LIMCH1: variants seen among roughly 807,000 people sequenced by gnomAD.
The protein encoded by LIMCH1 is LIM and calponin homology domains-containing protein 1.
A neutral mutation model predicts 176.5 loss-of-function variants in LIMCH1; 113 were observed. The observed-to-expected ratio is 0.64, with a 90% confidence interval of 0.55 to 0.75. LIMCH1 has a LOEUF of 0.75. LIMCH1 is among the 30% of genes least tolerant of loss of function. The pLI is 0.00. For missense variants in LIMCH1, 1,674 were observed against 1,814.9 expected, an observed-to-expected ratio of 0.92 and a Z score of 1.41; for synonymous variants, 619 against 645.9, an observed-to-expected ratio of 0.96 and a Z score of 0.63.
At chr4:41,505,437 G>A (rs2074024324) in intron 2 of LIMCH1, among the ~76,000 whole-genome samples, 1 of 152,166 alleles carries the variant, frequency 6.6e-6, no homozygotes, top group Admixed American at 6.5e-5. Context: ...CAAAAACTGG[G>A]CAAGAAAATT....
intron 1 of LIMCH1, among the ~76,000 whole-genome samples, chr4:41,553,725 G>T (rs760220711): frequency 2.0e-5 from 3 of 152,130 alleles, no homozygotes; most frequent in African/African-American, 7.2e-5. Context: ...TTCATGGTGC[G>T]CTGGTGGTGA....
chr4:41,694,969 G>A (rs904975104), intron 31 of LIMCH1, among the ~76,000 whole-genome samples: 2 of 151,874 alleles, frequency 1.3e-5, no homozygotes, highest in Admixed American at 1.3e-4. Context: ...GCTTTGATCT[G>A]TATTTCCATA....
At chr4:41,436,490 A>G (rs1371544964) in intron 1 of LIMCH1, among the ~76,000 whole-genome samples, 4 of 152,184 alleles carry the variant, frequency 2.6e-5, no homozygotes, top group Admixed American at 6.5e-5. Context: ...TGAGCCAGTT[A>G]ATGCTGTGAG....
chr4:41,540,568 A>G (rs2078501487), intron 1 of LIMCH1, among the ~76,000 whole-genome samples: 1 of 152,090 alleles, frequency 6.6e-6, no homozygotes, highest in African/African-American at 2.4e-5. Context: ...GCGAAACTCT[A>G]TCTCTACTAA....
At chr4:41,669,491 C>G (rs2094941997) in intron 21 of LIMCH1, among the ~76,000 whole-genome samples, 1 of 152,156 alleles carries the variant, frequency 6.6e-6, no homozygotes, top group African/African-American at 2.4e-5. Context: ...TTGGAGCCCA[C>G]TCTCACAGTG....
chr4:41,637,115 G>A (rs550378059), intron 13 of LIMCH1, among the ~76,000 whole-genome samples: 5 of 152,182 alleles, frequency 3.3e-5, no homozygotes, highest in Non-Finnish European at 7.3e-5. Context: ...TATTCCAATA[G>A]GCCTATTTAT....
At chr4:41,478,076 A>T (rs2068018834) in intron 1 of LIMCH1, among the ~76,000 whole-genome samples, 1 of 152,196 alleles carries the variant, frequency 6.6e-6, no homozygotes, top group Non-Finnish European at 1.5e-5. Context: ...AGAGGGAAAA[A>T]CAAGGGAGTT....
chr4:41,558,654 TC>T lies in LIMCH1; in HGVS notation c.-241+20306del, dbSNP rs1218796067. On this transcript the variant is annotated intron_variant, in intron 1 of 31. Transcript: ENST00000503057. The stretch of plus-strand genomic sequence containing the variant: ...CCCTGTTAGGTGCTTCTGAGTGGGT[TC>T]CTGTGCCCATGGTACAGTTTCCTAC... Among the ~76,000 whole-genome samples, 3 of 152,284 alleles carry T rather than the reference TC, an allele frequency of 2.0e-5. No individual in the cohort carries two copies. The East Asian group carries it at 5.8e-4, about 29-fold the overall frequency.
chr4:41,537,086 T>C (rs1044885643), upstream of LIMCH1, among the ~76,000 whole-genome samples: 2 of 152,180 alleles, frequency 1.3e-5, no homozygotes, highest in Non-Finnish European at 2.9e-5. Flanking sequence ...AAGAGCATAA[T>C]GCAAGGAAAC....
chr4:41,572,737 T>A (rs1371848793), intron 1 of LIMCH1, among the ~76,000 whole-genome samples: 4 of 152,210 alleles, frequency 2.6e-5, no homozygotes. Flanking sequence ...GTTTGTGTTT[T>A]GATTTCAGTA....
intron 2 of LIMCH1, among the ~76,000 whole-genome samples, chr4:41,517,839 A>G (rs1323434796): frequency 2.6e-5 from 4 of 151,792 alleles, no homozygotes; most frequent in African/African-American, 9.7e-5. Flanking sequence ...ATATACTTTC[A>G]TCCAGGGTAC....
At chr4:41,372,758 A>G (rs1366100712) in intron 1 of LIMCH1, among the ~76,000 whole-genome samples, 1 of 152,156 alleles carries the variant, frequency 6.6e-6, no homozygotes, top group African/African-American at 2.4e-5. Flanking sequence ...GTGCCTGGGT[A>G]CTACATAAAG....
chr4:41,577,916 G>A (rs1315325860), intron 1 of LIMCH1, among the ~76,000 whole-genome samples: 2 of 152,116 alleles, frequency 1.3e-5, no homozygotes, highest in African/African-American at 2.4e-5. Flanking sequence ...GAACATTCAT[G>A]TTGTTCCAGT....
At chr4:41,622,345 AAGGACAT>A (rs200866434) in intron 7 of LIMCH1, among the ~76,000 whole-genome samples, 4,881 of 152,242 alleles carry the variant, frequency 0.032, 265 homozygotes, top group African/African-American at 0.11. Context: ...TTCTGCCTTT[AAGGACAT>A]AGTAGTAGGT....
At chr4:41,425,581 G>A (rs1233894058) in intron 1 of LIMCH1, among the ~76,000 whole-genome samples, 2 of 152,038 alleles carry the variant, frequency 1.3e-5, no homozygotes, top group East Asian at 1.9e-4. Flanking sequence ...TCCTGACCTC[G>A]GGTTATCTGC....
At chr4:41,413,218 GT>G (rs59105322) in intron 1 of LIMCH1, among the ~76,000 whole-genome samples, 80,114 of 139,832 alleles carry the variant, frequency 0.57, 24,928 homozygotes, top group East Asian at 0.8. Context: ...GACATAATAA[GT>G]TTTTTTTTTT....
chr4:41,551,923 C>G (rs10028229), intron 1 of LIMCH1, among the ~76,000 whole-genome samples: 25,011 of 152,064 alleles, frequency 0.16, 3,370 homozygotes, highest in African/African-American at 0.37. Flanking sequence ...GTGTATTAGT[C>G]TGTTCTCGTG....
intron 17 of LIMCH1, among the ~76,000 whole-genome samples, chr4:41,647,648 T>C (rs1366797193): frequency 6.6e-6 from 1 of 152,238 alleles, no homozygotes; most frequent in Non-Finnish European, 1.5e-5. Context: ...TTGCACTCAA[T>C]GAGTTTGTAA....
At position 41,413,322 on chromosome 4, in the gene LIMCH1, A is replaced by G. The variant is rs114653941; in HGVS notation, c.96+52386A>G. On this transcript the variant is annotated intron_variant, in intron 1 of 26. Transcript: ENST00000313860. ...TTTGAAGTCTCATGGAGCCATGAAA[A>G]TGTATCTACAATTTGACTTTTTTTT... 2.2e-3 allele frequency among the ~76,000 whole-genome samples: 329 copies of G among 151,520 alleles called. 3 individuals carry two copies. Among genetic ancestry groups the G allele is most frequent in the African/African-American group, 7.4e-3 (305 of 41,284 alleles).
Sources: gnomAD v4.1 joint callset for allele counts (sites outside exome capture counted in the v4.1 genomes callset) on GRCh38, gnomAD v4.1.1 for gene constraint, MANE v1.5 for transcripts, NCBI Gene and HGNC (gene_info 2026-07-23, HGNC 2026-07-21) for gene names.